LMO1: variants seen among roughly 807,000 people sequenced by gnomAD.
LMO1 encodes LIM domain only 1, also known as rhombotin-1.
LMO1 carries 10 observed loss-of-function variants against 18.0 expected under a neutral mutation model. The observed-to-expected ratio is 0.55, with a 90% CI of 0.34 to 0.94. The LOEUF is 0.94. Ranked by LOEUF, LMO1 falls within the 40% of genes least tolerant of loss-of-function variation. LMO1 has a pLI of 0.02. For missense variants in LMO1, 183 were observed against 205.7 expected (o/e 0.89, Z 0.68); for synonymous variants, 77 against 77.9 (o/e 0.99, Z 0.06).
chr11:8,267,713 G>A (rs1011353952), upstream of LMO1, among the ~76,000 whole-genome samples: 1 of 152,206 alleles, frequency 6.6e-6, no homozygotes, highest in Admixed American at 6.5e-5. Context: ...GGAACCTGAA[G>A]GACCCTAAAC....
intron 1 of LMO1, among the ~76,000 whole-genome samples, chr11:8,261,803 A>G (rs903610624): frequency 7.9e-5 from 12 of 152,062 alleles, no homozygotes; most frequent in Middle Eastern, 3.2e-3. Context: ...TTCATTCTAT[A>G]TGAAGTTCTC....
chr11:8,247,012 A>G (rs1417201764), intron 1 of LMO1, among the ~76,000 whole-genome samples: 1 of 152,064 alleles, frequency 6.6e-6, no homozygotes, highest in Non-Finnish European at 1.5e-5. Flanking sequence ...TCCCCAGGAA[A>G]CTCAAACCTT....
intron 1 of LMO1, among the ~76,000 whole-genome samples, chr11:8,236,709 G>A (rs889379147): frequency 6.6e-5 from 10 of 152,022 alleles, no homozygotes; most frequent in Admixed American, 3.9e-4. Context: ...GATCACACAC[G>A]TACACTAGGT....
intron 1 of LMO1, among the ~76,000 whole-genome samples, chr11:8,262,028 C>T (rs1847194188): frequency 6.6e-6 from 1 of 152,178 alleles, no homozygotes; most frequent in Non-Finnish European, 1.5e-5. Flanking sequence ...AAGGCGGTAG[C>T]AGCCTGGGGG....
At chr11:8,268,428 G>A (rs971541617), upstream of LMO1, 7 of 1,469,200 alleles carry the variant, frequency 4.8e-6, no homozygotes, top group African/African-American at 2.9e-5. Flanking sequence ...GGCACCTACC[G>A]TCCTCCTGGT....
intron 2 of LMO1, among the ~76,000 whole-genome samples, chr11:8,228,476 C>G (rs763166355): frequency 1.3e-5 from 2 of 152,234 alleles, no homozygotes; most frequent in Non-Finnish European, 2.9e-5. Flanking sequence ...AAGGCTAGGC[C>G]ACAGCATCTG....
intron 1 of LMO1, among the ~76,000 whole-genome samples, chr11:8,259,883 C>T (rs2134585569): frequency 6.6e-6 from 1 of 152,318 alleles, no homozygotes; most frequent in South Asian, 2.1e-4. Context: ...TCTGGTCCTC[C>T]TCAGTCCAGC....
In LMO1 at chr11:8,224,568, G is replaced by T; in HGVS notation, c.*48C>A. ...GGCTGGCTGGCCGGCCAGGCAGGTG[G>T]GCAGGCGGGCAGATGGACAGACGGG... On this transcript the variant is annotated 3_prime_UTR_variant, in exon 4 of 4. Coordinates refer to ENST00000335790, the MANE Select transcript of LMO1 (RefSeq NM_002315.3). The T allele has an allele frequency of 8.2e-7, 1 of 1,220,698 alleles. No homozygotes were observed. The highest frequency in any genetic ancestry group is 1.2e-6 in the Non-Finnish European group (1 of 849,898). 75.6% of individuals were successfully genotyped at this position (1,220,698 alleles called of 1,614,324 possible). A position where few individuals can be genotyped will look rare whatever the true frequency, so the allele number is the denominator to read the frequency against.
At chr11:8,231,034 C>T (rs1008540029) in intron 1 of LMO1, among the ~76,000 whole-genome samples, 6 of 152,298 alleles carry the variant, frequency 3.9e-5, no homozygotes, top group South Asian at 2.1e-4. Flanking sequence ...GGAAGTGAGA[C>T]GCCCCTGGGA....
rs780125555 is a variant in LMO1, at chr11:8,263,323, C to T, written c.25+15G>A. 3 of 1,597,700 alleles carry T rather than the reference C, an allele frequency of 1.9e-6. No homozygotes were observed. The East Asian group carries it at 6.8e-5, about 36-fold the overall frequency. ...GAGGGGGTGAGGGGCGTCGAGACCC[C>T]GGCCCGCCACCTACCGTCCTCCTTG... On this transcript the variant is annotated intron_variant, in intron 1 of 3. Transcript: ENST00000335790.
intron 1 of LMO1, 97 bp downstream of exon 1, chr11:8,263,241 C>T: frequency 7.7e-7 from 1 of 1,307,188 alleles, no homozygotes; most frequent in Non-Finnish European, 1.0e-6. Flanking sequence ...CCGCACAGCC[C>T]AGCAGGTGTG....
chr11:8,242,428 A>G (rs753166361), intron 1 of LMO1, among the ~76,000 whole-genome samples: 15 of 152,116 alleles, frequency 9.9e-5, no homozygotes, highest in Non-Finnish European at 2.2e-4. Context: ...TTGGCTTACA[A>G]AAATGACTAC....
intron 1 of LMO1, among the ~76,000 whole-genome samples, chr11:8,236,752 TCC>T (rs1952767800): frequency 6.6e-6 from 1 of 152,192 alleles, no homozygotes; most frequent in East Asian, 1.9e-4. Context: ...TGTTTTATTC[TCC>T]CCACAACAGT....
At chr11:8,236,519 T>C (rs1349401437) in intron 1 of LMO1, among the ~76,000 whole-genome samples, 1 of 151,806 alleles carries the variant, frequency 6.6e-6, no homozygotes, top group African/African-American at 2.4e-5. Context: ...TGGCAGTCTA[T>C]CTCTAGGGCC....
rs948314800 is a variant in LMO1, at chr11:8,230,041, G to A, written c.239+250C>T. ...GGGGCCCTCGGAAAGCTTAACTTAG[G>A]GGCCCCAGGTTACAAATGCCTGCCC... On this transcript the variant is annotated intron_variant, in intron 2 of 3. Coordinates refer to ENST00000335790, the MANE Select transcript of LMO1 (RefSeq NM_002315.3). Among the ~76,000 whole-genome samples, 3 of 152,182 alleles carry A rather than the reference G, an allele frequency of 2.0e-5. No homozygotes were observed. In the South Asian group the frequency reaches 6.2e-4, roughly 32 times the overall value.
At chr11:8,253,176 A>G (rs941551339) in intron 1 of LMO1, among the ~76,000 whole-genome samples, 154 of 152,202 alleles carry the variant, frequency 1.0e-3, no homozygotes, top group South Asian at 2.1e-4. Context: ...AAAGTGGGAG[A>G]AGCTGCCTCA....
At chr11:8,241,498 C>T (rs560138856) in intron 1 of LMO1, among the ~76,000 whole-genome samples, 2 of 152,334 alleles carry the variant, frequency 1.3e-5, no homozygotes, top group African/African-American at 2.4e-5. Context: ...TTCATGTGGT[C>T]TGGTGTCTGC....
At chr11:8,267,622 G>T (rs182778418), upstream of LMO1, among the ~76,000 whole-genome samples, 68 of 152,336 alleles carry the variant, frequency 4.5e-4, no homozygotes, top group African/African-American at 1.6e-3. Context: ...AAAGCTTACT[G>T]TAGTTTGGGC....
chr11:8,261,342 T>C (rs1487297640), intron 1 of LMO1, among the ~76,000 whole-genome samples: 2 of 152,182 alleles, frequency 1.3e-5, no homozygotes, highest in Non-Finnish European at 2.9e-5. Context: ...CACTGCAATT[T>C]GGAGGCAGGG....
Sources: gnomAD v4.1 joint callset for allele counts (sites outside exome capture counted in the v4.1 genomes callset) on GRCh38, gnomAD v4.1.1 for gene constraint, MANE v1.5 for transcripts, NCBI Gene and HGNC (gene_info 2026-07-23, HGNC 2026-07-21) for gene names.